Variants in ESPNL observed in about 807,000 individuals in gnomAD.
The protein encoded by ESPNL is espin-like protein.
ESPNL carries 49 observed loss-of-function variants against 46.8 expected under a neutral mutation model. The ratio of observed to expected loss-of-function variants is 1.05; its 90% CI spans 0.83 to 1.33. The LOEUF (loss-of-function observed/expected upper bound fraction) is 1.33, where lower values mean the gene tolerates loss of function less well. ESPNL is among the 40% of genes most tolerant of loss of function. The pLI is 0.00. For missense variants in ESPNL, 1,540 were observed against 1,436.6 expected (o/e 1.07, Z -1.16); for synonymous variants, 664 against 662.1 (o/e 1.00, Z -0.04).
At position 238,112,991 on chromosome 2, in the gene ESPNL, C is replaced by T. The variant is rs552424639; in HGVS notation, c.856-3912C>T. Among the ~76,000 whole-genome samples the T allele has an allele frequency of 3.3e-5, 5 of 152,316 alleles. No homozygotes were observed. The East Asian group carries it at 9.6e-4, about 29-fold the overall frequency. On this transcript the variant is annotated intron_variant, in intron 4 of 8. Coordinates refer to ENST00000343063, the MANE Select transcript of ESPNL (RefSeq NM_194312.4). ...TACATGTCCATTATGTCATTGTGTT[C>T]TTCAGATCTCCATAGGTACACATTT...
Position 238,130,641 on chromosome 2 carries a change from C to A in ESPNL, c.1927C>A (p.Arg643Ser). The change falls in exon 9 of 9, where the codon CGC (arginine) becomes AGC (serine). Residue 643 changes from arginine (R) to serine (S), a missense_variant. By Grantham distance (110) the Arg-to-Ser change is moderately radical. Transcript: ENST00000343063. Reference sequence around the variant, plus strand: ...CAGCCCCCCTCGGAGCGAGGCCCAGCGCCAGATCCAGGAGTGGGGGGTGTC... The same window carrying A: ...CAGCCCCCCTCGGAGCGAGGCCCAGAGCCAGATCCAGGAGTGGGGGGTGTC... ...SASPPRSEAQ[R>S]QIQEWGVSVR... 6.4e-7 allele frequency: 1 copy of A among 1,561,438 alleles called. No homozygotes were observed. Among genetic ancestry groups the A allele is most frequent in the Non-Finnish European group, 8.7e-7 (1 of 1,153,030 alleles).
intron 6 of ESPNL, among the ~76,000 whole-genome samples, chr2:238,126,318 G>T (rs1692112191): frequency 6.6e-6 from 1 of 151,458 alleles, no homozygotes; most frequent in Non-Finnish European, 1.5e-5. Context: ...ATCTGTGTGT[G>T]ATTGTGTCTG....
rs1040681565 is a variant in ESPNL, at chr2:238,131,783, T to C, written c.*51T>C. The C allele has an allele frequency of 1.9e-5, 29 of 1,524,750 alleles. No homozygotes were observed. The Middle Eastern group carries it at 5.3e-4, about 28-fold the overall frequency. The allele number at this position is 1,524,750 out of a possible 1,614,324, so 94.5% of individuals were successfully genotyped here. A position where few individuals can be genotyped will look rare whatever the true frequency, so the allele number is the denominator to read the frequency against. On this transcript the variant is annotated 3_prime_UTR_variant, in exon 9 of 9. Transcript: ENST00000343063. The stretch of plus-strand genomic sequence containing the variant: ...ATGTGGTTTGGGGGTGACTTGGAGT[T>C]TCTCTTTTCTTTTCCTTGCTCACAC...
Position 238,101,925 on chromosome 2 carries a change from A to G in ESPNL, c.295-16A>G, listed in dbSNP as rs758118672. Reference sequence around the variant, plus strand: ...CGGCCTACCCCCCACTCACTGACCTACCCGGGGCTTGGTAGGACCAAGATG... The same window carrying G: ...CGGCCTACCCCCCACTCACTGACCTGCCCGGGGCTTGGTAGGACCAAGATG... On this transcript the variant is annotated splice_polypyrimidine_tract_variant and intron_variant, in intron 1 of 8. Coordinates refer to ENST00000343063, the MANE Select transcript of ESPNL (RefSeq NM_194312.4). 3 of 1,597,258 alleles carry G rather than the reference A, an allele frequency of 1.9e-6. No homozygotes were observed. Among genetic ancestry groups the G allele is most frequent in the Non-Finnish European group, 2.6e-6 (3 of 1,174,180 alleles).
At chr2:238,128,616 C>T in intron 7 of ESPNL, 91 bp from the exon 8 acceptor site, 1 of 1,313,436 alleles carries the variant, frequency 7.6e-7, no homozygotes, top group Non-Finnish European at 1.1e-6. Context: ...GTGCCCTGGG[C>T]GGAGCCAACC....
At chr2:238,109,681 T>C (rs537155018) in intron 4 of ESPNL, among the ~76,000 whole-genome samples, 1 of 152,374 alleles carries the variant, frequency 6.6e-6, no homozygotes, top group East Asian at 1.9e-4. Context: ...TGACAACTTA[T>C]GTTAGTACAG....
intron 8 of ESPNL, 53 bp downstream of exon 8, chr2:238,128,957 T>A: frequency 6.7e-7 from 1 of 1,501,240 alleles, no homozygotes; most frequent in East Asian, 2.5e-5. Context: ...CTTTTCCAGG[T>A]AGGTGGAAGT....
intron 4 of ESPNL, among the ~76,000 whole-genome samples, chr2:238,111,878 A>G (rs1394037135): frequency 6.6e-6 from 1 of 152,214 alleles, no homozygotes; most frequent in Non-Finnish European, 1.5e-5. Context: ...ATTCAACATG[A>G]CATATTATTC....
rs1056132407 is a variant in ESPNL, at chr2:238,104,341, G to A, written c.486-315G>A. 5.9e-5 allele frequency among the ~76,000 whole-genome samples: 9 copies of A among 152,312 alleles called. No homozygotes were observed. The East Asian group carries it at 1.5e-3, about 26-fold the overall frequency. On this transcript the variant is annotated intron_variant, in intron 2 of 8. Transcript: ENST00000343063. ...GGCAGAGGGAAACCCTAAGGGAGTC[G>A]GGGGTCAATCCTGGGCCTCCACTGG...
chr2:238,114,334 C>T lies in ESPNL; in HGVS notation c.856-2569C>T, dbSNP rs1691771463. 6.6e-6 allele frequency among the ~76,000 whole-genome samples: 1 copy of T among 152,198 alleles called. No individual in the cohort carries two copies. On this transcript the variant is annotated intron_variant, in intron 4 of 8. Transcript: ENST00000343063. The surrounding 1 kb of genome is among the most constrained non-coding windows in gnomAD (Gnocchi z 5.0). ...CCCCTTCCTCTGCCGTGACACCCCT[C>T]ATACTCCTGCAGACCCCGTAACTCC...
rs1402595968 is a variant in ESPNL at position 238,100,543 on chromosome 2, C to G, written c.124C>G (p.His42Asp). The G allele has an allele frequency of 1.3e-6, 2 of 1,593,298 alleles. No individual in the cohort carries two copies. The highest frequency in any genetic ancestry group is 8.5e-7 in the Non-Finnish European group (1 of 1,172,424). ...TDALGAGLVHHATRAGHLDCV... is the reference protein window; with the variant it reads ...TDALGAGLVHDATRAGHLDCV... ...TGCTCTGGGGGCCGGCCTGGTTCAC[C>G]ACGCCACCCGGGCTGGCCACCTGGA... is the stretch of plus-strand genomic sequence containing the variant. Residue 42 changes from histidine to aspartate, a missense_variant, in exon 1 of 9, where the codon CAC (histidine) becomes GAC (aspartate). Transcript: ENST00000343063.
At chr2:238,125,460 C>A in intron 6 of ESPNL, 76 bp downstream of exon 6, 1 of 852,082 alleles carries the variant, frequency 1.2e-6, no homozygotes, top group Non-Finnish European at 1.7e-6. Flanking sequence ...CCTCCGAGGT[C>A]CTGGACCGGT....
chr2:238,127,034 TTC>T (rs1377156742), intron 6 of ESPNL, among the ~76,000 whole-genome samples: 4 of 150,334 alleles, frequency 2.7e-5, no homozygotes, highest in African/African-American at 9.7e-5. Context: ...TGTGTGTCTG[TTC>T]TGTGTGTGTT....
Position 238,100,552 on chromosome 2 carries a change from C to G in ESPNL, c.133C>G (p.Arg45Gly). ...LGAGLVHHAT[R>G]AGHLDCVKFL... is the part of the protein sequence containing the mutation. ...GGCCGGCCTGGTTCACCACGCCACCCGGGCTGGCCACCTGGACTGCGTCAA... is the reference window on the plus strand; with the variant it reads ...GGCCGGCCTGGTTCACCACGCCACCGGGGCTGGCCACCTGGACTGCGTCAA... Residue 45 changes from arginine to glycine, a missense_variant, in exon 1 of 9, where the codon CGG becomes GGG. Transcript: ENST00000343063. The G allele has an allele frequency of 6.3e-7, 1 of 1,590,926 alleles. No individual in the cohort carries two copies. Among genetic ancestry groups the G allele is most frequent in the Non-Finnish European group, 8.5e-7 (1 of 1,171,122 alleles).
chr2:238,106,716 AG>A (rs1440395700), intron 3 of ESPNL, among the ~76,000 whole-genome samples: 3 of 131,306 alleles, frequency 2.3e-5, no homozygotes, highest in African/African-American at 4.0e-5. Context: ...AGCTCACCAC[AG>A]GGGGTCCTGA....
intron 4 of ESPNL, among the ~76,000 whole-genome samples, chr2:238,113,527 A>C (rs1490171346): frequency 6.6e-6 from 1 of 151,876 alleles, no homozygotes; most frequent in Non-Finnish European, 1.5e-5. Context: ...ATGGTATTTT[A>C]TTTCCTTGTA....
Position 238,114,438 on chromosome 2 carries a change from C to T in ESPNL, c.856-2465C>T, listed in dbSNP as rs888194720. On this transcript the variant is annotated intron_variant, in intron 4 of 8. Coordinates refer to ENST00000343063, the MANE Select transcript of ESPNL (RefSeq NM_194312.4). This position sits in a 1 kb window ranked among gnomAD's most constrained non-coding sequence, Gnocchi z 5.0. ...CGCCTCCACCCACCCACACACCCAC[C>T]GCGCCCTGGCAAACCTTTGCCATTC... Among the ~76,000 whole-genome samples the T allele has an allele frequency of 1.3e-5, 2 of 152,216 alleles. No homozygotes were observed. The highest frequency in any genetic ancestry group is 1.5e-5 in the Non-Finnish European group (1 of 68,038).
chr2:238,126,424 TTG>T (rs1038398999), intron 6 of ESPNL, among the ~76,000 whole-genome samples: 25 of 150,376 alleles, frequency 1.7e-4, no homozygotes, highest in Non-Finnish European at 2.7e-4. Context: ...GTGTTTGTGT[TTG>T]TGTGTCTGTG....
chr2:238,128,953 C>T (rs1468661994), intron 8 of ESPNL, 49 bp downstream of exon 8: 1 of 1,505,098 alleles, frequency 6.6e-7, no homozygotes, highest in Non-Finnish European at 8.9e-7. Flanking sequence ...GGGCCTTTTC[C>T]AGGTAGGTGG....
Sources: allele counts gnomAD v4.1 joint callset (sites outside exome capture counted in the v4.1 genomes callset), GRCh38; gene constraint gnomAD v4.1.1; non-coding constraint Gnocchi (gnomAD v3.1); transcripts MANE v1.5; gene names NCBI Gene and HGNC (gene_info 2026-07-23, HGNC 2026-07-21).